SEC24D: variants seen among roughly 807,000 people sequenced by gnomAD.
SEC24D encodes protein transport protein Sec24D.
A neutral mutation model predicts 116.9 loss-of-function variants in SEC24D; 69 were observed. That is an observed-to-expected ratio of 0.59 (90% confidence interval 0.49 to 0.72). The LOEUF (loss-of-function observed/expected upper bound fraction) is 0.72. Among genes scored for constraint, SEC24D ranks in the 30% least tolerant of loss-of-function variants. The pLI, the probability that SEC24D is intolerant of heterozygous loss-of-function variation, is 0.00. For synonymous variants in SEC24D, 405 were observed against 442.8 expected (o/e 0.91, Z 1.07); for missense variants, 1,131 against 1,264.1 (o/e 0.89, Z 1.60).
chr4:118,746,224 TG>T (rs1560628769), intron 13 of SEC24D, among the ~76,000 whole-genome samples: 1 of 4,438 alleles, frequency 2.3e-4, no homozygotes, highest in Non-Finnish European at 4.8e-4. Flanking sequence ...GAGGGGAGGT[TG>T]GGGGAGGGAG....
chr4:118,813,395 T>C (rs1056884488), intron 6 of SEC24D, among the ~76,000 whole-genome samples: 2 of 152,226 alleles, frequency 1.3e-5, no homozygotes, highest in African/African-American at 4.8e-5. Context: ...ATTTATTTCT[T>C]ATAGCTATGG....
intron 12 of SEC24D, 60 bp from the exon 13 acceptor site, chr4:118,752,149 G>T: frequency 9.2e-7 from 1 of 1,089,224 alleles, no homozygotes; most frequent in Non-Finnish European, 1.4e-6. Context: ...TAAACTTCAA[G>T]CAATAAATCA....
chr4:118,799,902 TC>T (rs1441270117), intron 7 of SEC24D, among the ~76,000 whole-genome samples: 2 of 152,068 alleles, frequency 1.3e-5, no homozygotes. Context: ...GGGAAGTGGA[TC>T]AAGAAAACAT....
rs562351484 is a variant in SEC24D, at chr4:118,829,567, C to T, written c.118+4012G>A. Among the ~76,000 whole-genome samples the T allele has an allele frequency of 3.0e-3, 462 of 152,276 alleles. 1 individual carries two copies. Among genetic ancestry groups the T allele is most frequent in the African/African-American group, 0.011 (441 of 41,558 alleles). ...GTGGCTCATGCCTATAATCCCAGCA[C>T]TTTGAGAGGCCGAGGCGGGTGGATT... is the stretch of plus-strand genomic sequence containing the variant. On this transcript the variant is annotated intron_variant, in intron 2 of 22. Coordinates refer to ENST00000280551, the MANE Select transcript of SEC24D (RefSeq NM_014822.4).
chr4:118,770,019 A>C (rs959943653), intron 8 of SEC24D, among the ~76,000 whole-genome samples: 2 of 152,208 alleles, frequency 1.3e-5, no homozygotes, highest in Non-Finnish European at 1.5e-5. Context: ...GATGGGCTTC[A>C]GGTCCTGAAG....
intron 11 of SEC24D, chr4:118,753,937 G>C (rs1726958289): frequency 6.6e-6 from 1 of 152,044 alleles, no homozygotes; most frequent in South Asian, 2.1e-4. Context: ...TTTTGCATAC[G>C]GCCTAAAGAG....
intron 13 of SEC24D, among the ~76,000 whole-genome samples, chr4:118,750,210 G>A (rs1436287805): frequency 6.6e-6 from 1 of 152,162 alleles, no homozygotes; most frequent in Non-Finnish European, 1.5e-5. Flanking sequence ...GAGCAACCTT[G>A]GAGAACATGG....
At chr4:118,728,123 A>G (rs1725500010) in intron 22 of SEC24D, among the ~76,000 whole-genome samples, 1 of 152,218 alleles carries the variant, frequency 6.6e-6, no homozygotes, top group African/African-American at 2.4e-5. Flanking sequence ...TTTTTTACTC[A>G]AACTCAGAAA....
chr4:118,773,798 T>C (rs1456505605), intron 8 of SEC24D, among the ~76,000 whole-genome samples: 1 of 152,224 alleles, frequency 6.6e-6, no homozygotes, highest in Non-Finnish European at 1.5e-5. Flanking sequence ...TTATATGTGC[T>C]TTCTACTTTT....
chr4:118,780,426 A>G (rs1728346724), intron 8 of SEC24D, among the ~76,000 whole-genome samples: 1 of 152,194 alleles, frequency 6.6e-6, no homozygotes, highest in African/African-American at 2.4e-5. Context: ...TGAGTTTCTT[A>G]ATCCTGAGTT....
intron 8 of SEC24D, among the ~76,000 whole-genome samples, chr4:118,782,344 A>G (rs1728453453): frequency 6.6e-6 from 1 of 152,196 alleles, no homozygotes; most frequent in Non-Finnish European, 1.5e-5. Flanking sequence ...CAGGTCCCTC[A>G]GCAGCAGGGC....
At position 118,740,670 on chromosome 4, in the gene SEC24D, A is replaced by G. The variant is rs373618794; in HGVS notation, c.2231T>C (p.Leu744Ser). Residue 744 changes from leucine to serine, a missense_variant, in exon 17 of 23, where the codon TTA (leucine) becomes TCA (serine). Transcript: ENST00000280551. ...GAATACACTTTCAATCACCTGGATT[A>G]AGGCTCCACTGTCTTCACTGAGTTT... ...DDKLSEDSGA[L>S]IQCAVLYTTI... The G allele has an allele frequency of 1.2e-6, 2 of 1,613,684 alleles. No homozygotes were observed. Among genetic ancestry groups the G allele is most frequent in the African/African-American group, 2.7e-5 (2 of 75,022 alleles).
chr4:118,730,265 TTTC>T (rs1170780196), intron 21 of SEC24D: 3 of 152,176 alleles, frequency 2.0e-5, no homozygotes, highest in Non-Finnish European at 4.4e-5. Context: ...TTTATAATCA[TTTC>T]TTAATTTCAA....
rs1726374278 is a variant in SEC24D at position 118,744,115 on chromosome 4, T to C, written c.1868A>G (p.Lys623Arg). 6.2e-7 allele frequency: 1 copy of C among 1,612,588 alleles called. No individual in the cohort carries two copies. The highest frequency in any genetic ancestry group is 8.5e-7 in the Non-Finnish European group (1 of 1,179,166). ...AGAGCAGCCGTGAGCCACGCAGTCC[T>C]TGGCCAATGAGTCATAGACATTTGT... ...PQTNVYDSLA[K>R]DCVAHGCSVT... Residue 623 changes from lysine (K) to arginine (R), a missense_variant, in exon 15 of 23, where the codon AAG (lysine) becomes AGG (arginine). Lys to Arg is a conservative substitution (Grantham distance 26, BLOSUM62 2). Coordinates refer to ENST00000280551, the MANE Select transcript of SEC24D (RefSeq NM_014822.4).
intron 20 of SEC24D, 60 bp downstream of exon 20, chr4:118,732,673 G>A (rs1725751697): frequency 6.7e-7 from 1 of 1,500,120 alleles, no homozygotes; most frequent in African/African-American, 1.4e-5. Flanking sequence ...ATACGGGAAA[G>A]CACAAAATAT....
chr4:118,777,125 T>TTATTTATA (rs1728173539), intron 8 of SEC24D, among the ~76,000 whole-genome samples: 1 of 146,968 alleles, frequency 6.8e-6, no homozygotes, highest in Admixed American at 6.9e-5. Context: ...ATTTATTTAT[T>TTATTTATA]TTTATTATAC....
At position 118,791,507 on chromosome 4, in the gene SEC24D, T is replaced by C. The variant is rs142892041; in HGVS notation, c.1041+6176A>G. Among the ~76,000 whole-genome samples, 178 of 152,200 alleles carry C rather than the reference T, an allele frequency of 1.2e-3. No individual in the cohort carries two copies. In the East Asian group the frequency reaches 0.023, roughly 20 times the overall value. On this transcript the variant is annotated intron_variant, in intron 8 of 22. Coordinates refer to ENST00000280551, the MANE Select transcript of SEC24D (RefSeq NM_014822.4). ...AGTAAATAAATATTTTTAAAATTTA[T>C]AGCTCTCCCTACTCCCTACTCCCTC...
intron 10 of SEC24D, among the ~76,000 whole-genome samples, chr4:118,761,421 G>A (rs777695879): frequency 2.0e-5 from 3 of 152,146 alleles, no homozygotes; most frequent in Admixed American, 6.5e-5. Flanking sequence ...AAAAACCTAA[G>A]AAATCAAAGA....
At chr4:118,757,466 T>C (rs1198513699) in intron 11 of SEC24D, among the ~76,000 whole-genome samples, 1 of 152,194 alleles carries the variant, frequency 6.6e-6, no homozygotes, top group Admixed American at 6.6e-5. Context: ...TTGGGATTCT[T>C]CTTATAATTT....
Sources: gnomAD v4.1 joint callset for allele counts (sites outside exome capture counted in the v4.1 genomes callset) on GRCh38, gnomAD v4.1.1 for gene constraint, MANE v1.5 for transcripts, NCBI Gene and HGNC (gene_info 2026-07-23, HGNC 2026-07-21) for gene names.